ELOVL2: variants seen among roughly 807,000 people sequenced by gnomAD.
ELOVL2 encodes very long chain fatty acid elongase 2.
Under a neutral mutation model 37.7 loss-of-function variants are expected in ELOVL2, and 38 were observed. The observed-to-expected ratio is 1.01, with a 90% CI of 0.78 to 1.32. ELOVL2 has a LOEUF of 1.32. ELOVL2 is among the 40% of genes most tolerant of loss of function. The pLI is 0.00. For missense variants in ELOVL2, 352 were observed against 363.6 expected, an observed-to-expected ratio of 0.97 and a Z score of 0.26; for synonymous variants, 115 against 122.3, an observed-to-expected ratio of 0.94 and a Z score of 0.40.
chr6:11,036,220 A>C (rs895959261), intron 1 of ELOVL2, among the ~76,000 whole-genome samples: 2 of 152,248 alleles, frequency 1.3e-5, no homozygotes, highest in African/African-American at 4.8e-5. Flanking sequence ...CCTAATTTAC[A>C]AAAGGAACAT....
chr6:10,992,276 T>TATC (rs1391681250), intron 5 of ELOVL2, among the ~76,000 whole-genome samples: 1 of 152,230 alleles, frequency 6.6e-6, no homozygotes, highest in Admixed American at 6.5e-5. Context: ...TTTTCCCTAA[T>TATC]ATCATCTCTA....
intron 1 of ELOVL2, among the ~76,000 whole-genome samples, chr6:11,030,636 C>T (rs1041458911): frequency 1.3e-5 from 2 of 151,908 alleles, no homozygotes; most frequent in South Asian, 4.2e-4. Context: ...GGTATACAGG[C>T]GCCCGCCACC....
chr6:11,011,737 A>G (rs1045761244), intron 1 of ELOVL2, among the ~76,000 whole-genome samples: 5 of 152,146 alleles, frequency 3.3e-5, no homozygotes, highest in African/African-American at 1.2e-4. Flanking sequence ...AATTATTGTC[A>G]CTTTCACTGG....
chr6:11,003,215 C>T (rs1581867081), intron 3 of ELOVL2, among the ~76,000 whole-genome samples: 1 of 152,254 alleles, frequency 6.6e-6, no homozygotes, highest in African/African-American at 2.4e-5. Flanking sequence ...TATACAAGTG[C>T]CATGGTGGTT....
intron 1 of ELOVL2, among the ~76,000 whole-genome samples, chr6:11,040,191 G>C (rs1029346058): frequency 2.6e-5 from 4 of 152,184 alleles, no homozygotes; most frequent in African/African-American, 7.2e-5. Flanking sequence ...CAGCAAAAGA[G>C]AACAGAGAAG....
At chr6:10,991,797 C>A (rs967962168) in intron 5 of ELOVL2, among the ~76,000 whole-genome samples, 1 of 152,164 alleles carries the variant, frequency 6.6e-6, no homozygotes, top group Non-Finnish European at 1.5e-5. Flanking sequence ...CTTTTCATTT[C>A]CATCAATTAA....
intron 4 of ELOVL2, among the ~76,000 whole-genome samples, 189 bp from the exon 5 acceptor site, chr6:10,995,367 A>G (rs1480143166): frequency 6.6e-6 from 1 of 152,070 alleles, no homozygotes; most frequent in Non-Finnish European, 1.5e-5. Context: ...ACCTCTAGTG[A>G]GAGATGAGTT....
chr6:10,984,163 G>A (rs61382946), intron 7 of ELOVL2, among the ~76,000 whole-genome samples: 27,864 of 151,938 alleles, frequency 0.18, 3,424 homozygotes, highest in East Asian at 0.44. Context: ...GACTACAGGT[G>A]CACACCACCA....
At chr6:11,032,844 G>A (rs1782952163) in intron 1 of ELOVL2, among the ~76,000 whole-genome samples, 2 of 152,132 alleles carry the variant, frequency 1.3e-5, no homozygotes, top group East Asian at 1.9e-4. Flanking sequence ...TTGAGACGAC[G>A]CCCTGAAAGT....
At chr6:11,017,532 G>C (rs1317445001) in intron 1 of ELOVL2, among the ~76,000 whole-genome samples, 2 of 152,178 alleles carry the variant, frequency 1.3e-5, no homozygotes, top group African/African-American at 4.8e-5. Context: ...ATTCAATTAA[G>C]GTGATAAAAG....
intron 7 of ELOVL2, among the ~76,000 whole-genome samples, chr6:10,986,393 A>C (rs982878638): frequency 2.0e-5 from 3 of 152,150 alleles, no homozygotes; most frequent in African/African-American, 7.2e-5. Flanking sequence ...GTGTTGAATA[A>C]GAGTGGTGAG....
intron 4 of ELOVL2, among the ~76,000 whole-genome samples, chr6:10,999,053 C>A (rs573343885): frequency 1.3e-5 from 2 of 151,712 alleles, no homozygotes; most frequent in East Asian, 3.9e-4. Context: ...AAAGCAATAC[C>A]GATGTTATTA....
intron 1 of ELOVL2, among the ~76,000 whole-genome samples, chr6:11,024,361 T>A (rs1174856633): frequency 6.6e-6 from 1 of 152,210 alleles, no homozygotes; most frequent in African/African-American, 2.4e-5. Flanking sequence ...ACTACTATCC[T>A]TTTTCTTATT....
chr6:11,009,732 G>A (rs543548248), intron 2 of ELOVL2, among the ~76,000 whole-genome samples: 1 of 152,282 alleles, frequency 6.6e-6, no homozygotes, highest in African/African-American at 2.4e-5. Context: ...GAGGTTGCTG[G>A]GGTTAGACAG....
intron 1 of ELOVL2, among the ~76,000 whole-genome samples, chr6:11,012,372 C>T (rs1782599769): frequency 6.6e-6 from 1 of 152,176 alleles, no homozygotes; most frequent in Non-Finnish European, 1.5e-5. Context: ...GGTCAGTTAC[C>T]TGAGATCTCA....
intron 1 of ELOVL2, among the ~76,000 whole-genome samples, chr6:11,017,395 T>G (rs1377339664): frequency 1.3e-5 from 2 of 152,186 alleles, no homozygotes; most frequent in Non-Finnish European, 2.9e-5. Context: ...AGAGCTTGGA[T>G]AGCGGAGAAT....
intron 3 of ELOVL2, among the ~76,000 whole-genome samples, chr6:11,004,951 GA>G (rs1782453427): frequency 1.3e-5 from 2 of 152,202 alleles, no homozygotes; most frequent in Non-Finnish European, 2.9e-5. Flanking sequence ...CTGAGATCAG[GA>G]GTTCAAGACC....
At chr6:11,016,652 A>T (rs1782689803) in intron 1 of ELOVL2, among the ~76,000 whole-genome samples, 1 of 152,180 alleles carries the variant, frequency 6.6e-6, no homozygotes, top group South Asian at 2.1e-4. Context: ...AGGGAGACAG[A>T]CTAGAGTCAC....
chr6:10,999,444 C>A (rs958046496), intron 4 of ELOVL2, among the ~76,000 whole-genome samples: 1 of 150,534 alleles, frequency 6.6e-6, no homozygotes, highest in African/African-American at 2.5e-5. Context: ...GACACAATCT[C>A]GGCTCACCAC....
Sources: gnomAD v4.1 joint callset for allele counts (sites outside exome capture counted in the v4.1 genomes callset) on GRCh38, gnomAD v4.1.1 for gene constraint, MANE v1.5 for transcripts, NCBI Gene and HGNC (gene_info 2026-07-23, HGNC 2026-07-21) for gene names.